SCN2A: variants seen among roughly 807,000 people sequenced by gnomAD.
The protein encoded by SCN2A is sodium channel protein type 2 subunit alpha.
SCN2A carries 20 observed loss-of-function variants against 188.7 expected under a neutral mutation model. The ratio of observed to expected loss-of-function variants is 0.11; its 90% confidence interval spans 0.07 to 0.15. SCN2A has a LOEUF of 0.15. Ranked by LOEUF, SCN2A falls within the 10% of genes least tolerant of loss-of-function variation. SCN2A has a pLI of 1.00. For missense variants in SCN2A, 1,278 were observed against 2,445.0 expected (o/e 0.52, Z 10.07); for synonymous variants, 804 against 833.1 (o/e 0.97, Z 0.60).
chr2:165,333,356 T>C (rs1559369361), intron 14 of SCN2A, among the ~76,000 whole-genome samples: 1 of 151,954 alleles, frequency 6.6e-6, no homozygotes, highest in Non-Finnish European at 1.5e-5. Context: ...TACACATTCT[T>C]CTCAAATGCC....
chr2:165,273,862 C>T (rs1695209811), intron 1 of SCN2A: 1 of 152,118 alleles, frequency 6.6e-6, no homozygotes, highest in Admixed American at 6.6e-5. Context: ...TGCAAATGGT[C>T]ACTTTACTGG....
rs573928545 is a variant in SCN2A, at chr2:165,319,286, G to A, written c.1671+3528G>A. 4.3e-4 allele frequency among the ~76,000 whole-genome samples: 66 copies of A among 152,178 alleles called. 1 individual carries two copies. In the South Asian group the frequency reaches 8.5e-3, roughly 20 times the overall value. On this transcript the variant is annotated intron_variant, in intron 11 of 26. Transcript: ENST00000375437. ...TGGGAGGTGGAGCTTGCAGTGAGCCGAGATCACGCCACTGCACTCCAGCCT... is the reference window on the plus strand; with the variant it reads ...TGGGAGGTGGAGCTTGCAGTGAGCCAAGATCACGCCACTGCACTCCAGCCT...
intron 3 of SCN2A, among the ~76,000 whole-genome samples, chr2:165,305,767 T>C (rs1199644819): frequency 2.6e-5 from 4 of 152,148 alleles, no homozygotes; most frequent in Non-Finnish European, 5.9e-5. Context: ...GAATATATGA[T>C]AGATATATAA....
At chr2:165,342,240 A>T in intron 14 of SCN2A, 56 bp from the exon 15 acceptor site, 1 of 1,504,284 alleles carries the variant, frequency 6.6e-7, no homozygotes, top group Non-Finnish European at 9.2e-7. Context: ...GTTGCTCAAT[A>T]ATTATTCGTG....
chr2:165,292,411 C>T (rs568145774), intron 1 of SCN2A, among the ~76,000 whole-genome samples: 87 of 152,144 alleles, frequency 5.7e-4, no homozygotes, highest in Non-Finnish European at 1.0e-3. Flanking sequence ...TTTGAGGGCA[C>T]GATTGAACCC....
chr2:165,255,687 G>C (rs1694283826), intron 1 of SCN2A, among the ~76,000 whole-genome samples: 2 of 152,056 alleles, frequency 1.3e-5, no homozygotes, highest in Non-Finnish European at 2.9e-5. Context: ...GTGTATCTTA[G>C]AGTCACCTCT....
intron 17 of SCN2A, among the ~76,000 whole-genome samples, chr2:165,357,296 C>T (rs753102823): frequency 6.6e-6 from 1 of 152,054 alleles, no homozygotes; most frequent in South Asian, 2.1e-4. Context: ...TTTGTCTGGT[C>T]ATTTTTCTAA....
At chr2:165,349,166 AT>A (rs1478054231) in intron 16 of SCN2A, among the ~76,000 whole-genome samples, 1 of 152,236 alleles carries the variant, frequency 6.6e-6, no homozygotes, top group South Asian at 2.1e-4. Context: ...CTGTATGTAT[AT>A]TTGGTATATG....
chr2:165,281,637 T>G (rs183316711), intron 1 of SCN2A, among the ~76,000 whole-genome samples: 1 of 152,142 alleles, frequency 6.6e-6, no homozygotes, highest in Non-Finnish European at 1.5e-5. Context: ...AGAGAGTCAC[T>G]GTAGAGTTCT....
chr2:165,249,615 T>C (rs1422095252), intron 1 of SCN2A, among the ~76,000 whole-genome samples: 1 of 152,074 alleles, frequency 6.6e-6, no homozygotes, highest in Admixed American at 6.6e-5. Context: ...CATCGTTTTG[T>C]GTTTTCAATC....
chr2:165,244,682 G>A (rs1385396228), intron 1 of SCN2A, among the ~76,000 whole-genome samples: 1 of 152,024 alleles, frequency 6.6e-6, no homozygotes, highest in Non-Finnish European at 1.5e-5. Context: ...ACATTTAGGG[G>A]GATAAAATGA....
In SCN2A at chr2:165,389,944, A is replaced by G. The variant is rs542783212; in HGVS notation, c.*120A>G. On this transcript the variant is annotated 3_prime_UTR_variant, in exon 27 of 27. Coordinates refer to ENST00000375437, the MANE Select transcript of SCN2A (RefSeq NM_001040142.2). This position sits in a 1 kb window ranked among gnomAD's most constrained non-coding sequence, Gnocchi z 4.2. ...CCAAACTGACTGTTTTTACAAATGT[A>G]TACTTAAGGTCAGTGCCTATAACAA... 3 of 1,486,762 alleles carry G rather than the reference A, an allele frequency of 2.0e-6. No individual in the cohort carries two copies. The highest frequency in any genetic ancestry group is 2.8e-5 in the African/African-American group (2 of 71,024). 92.1% of individuals were successfully genotyped at this position (1,486,762 alleles called of 1,614,324 possible).
chr2:165,373,901 T>A (rs1701177715), intron 21 of SCN2A, among the ~76,000 whole-genome samples: 1 of 152,090 alleles, frequency 6.6e-6, no homozygotes, highest in African/African-American at 2.4e-5. Context: ...TGAGACCACA[T>A]ACCCTCACCA....
chr2:165,256,340 G>C (rs575562500), intron 1 of SCN2A, among the ~76,000 whole-genome samples: 1 of 152,132 alleles, frequency 6.6e-6, no homozygotes, highest in East Asian at 1.9e-4. Context: ...CCATAATCCT[G>C]TTTGATTTAC....
intron 16 of SCN2A, among the ~76,000 whole-genome samples, chr2:165,350,775 G>A (rs1699869653): frequency 6.6e-6 from 1 of 151,960 alleles, no homozygotes; most frequent in Admixed American, 6.6e-5. Flanking sequence ...GGCCTGAACT[G>A]TTTTCTTAAA....
At position 165,352,085 on chromosome 2, in the gene SCN2A, C is replaced by T. The variant is rs549964383; in HGVS notation, c.2920-2107C>T. Among the ~76,000 whole-genome samples the T allele has an allele frequency of 4.6e-5, 7 of 152,018 alleles. 1 individual carries two copies. The South Asian group carries it at 1.5e-3, about 32-fold the overall frequency. On this transcript the variant is annotated intron_variant, in intron 16 of 26. Transcript: ENST00000375437. The stretch of plus-strand genomic sequence containing the variant: ...GTATCAAGAAAAATTTCCAAATAGA[C>T]AAATGACAGAACTTTAATATACTTT...
rs143216664 is a variant in SCN2A at position 165,314,600 on chromosome 2, T to G, written c.1383+492T>G. On this transcript the variant is annotated intron_variant, in intron 10 of 26. Transcript: ENST00000375437. ...AATATTTGTTCTCTTTTATATAAAG[T>G]GTACAAATGCAAGTTTGTGGGTTAC... Among the ~76,000 whole-genome samples, 900 of 152,306 alleles carry G rather than the reference T, an allele frequency of 5.9e-3. 12 individuals carry two copies. The highest frequency in any genetic ancestry group is 0.037 in the Middle Eastern group (11 of 294).
rs749720991 is a variant in SCN2A at position 165,323,504 on chromosome 2, AG to A, written c.2016+6del. 6.2e-7 allele frequency: 1 copy of A among 1,607,896 alleles called. No individual in the cohort carries two copies. Among genetic ancestry groups the A allele is most frequent in the Non-Finnish European group, 8.5e-7 (1 of 1,176,972 alleles). On this transcript the variant is annotated splice_donor_5th_base_variant and intron_variant, in intron 12 of 26. Transcript: ENST00000375437. ...TGCTGGGCAGCTCCTACCAGAGGTG[AG>A]GCCAATTAAAATTGCAGCTGATGTG...
At chr2:165,272,555 A>C (rs1695150595) in intron 1 of SCN2A, 1 of 152,048 alleles carries the variant, frequency 6.6e-6, no homozygotes, top group Non-Finnish European at 1.5e-5. Context: ...ACAACTTCAG[A>C]ATATACATTC....
Sources: gnomAD v4.1 joint callset for allele counts (sites outside exome capture counted in the v4.1 genomes callset) on GRCh38, gnomAD v4.1.1 for gene constraint, Gnocchi (gnomAD v3.1) non-coding constraint, MANE v1.5 for transcripts, NCBI Gene and HGNC (gene_info 2026-07-23, HGNC 2026-07-21) for gene names.